Variants in OR6F1 observed in about 807,000 individuals in gnomAD.
The protein encoded by OR6F1 is olfactory receptor family 6 subfamily F member 1, also known as olfactory receptor 6F1.
For missense variants in OR6F1, 346 were observed against 376.0 expected (o/e 0.92, Z 0.66); for synonymous variants, 144 against 150.0 (o/e 0.96, Z 0.29).
chr1:247,715,053 C>T (rs1253041579), intron 1 of OR6F1, among the ~76,000 whole-genome samples: 2 of 152,182 alleles, frequency 1.3e-5, no homozygotes, highest in African/African-American at 4.8e-5. Context: ...ATCCTGTTAG[C>T]TTGCTTTTAT....
At chr1:247,714,486 A>G (rs937210809) in intron 1 of OR6F1, among the ~76,000 whole-genome samples, 1 of 152,196 alleles carries the variant, frequency 6.6e-6, no homozygotes, top group Non-Finnish European at 1.5e-5. Context: ...AAAATACTAT[A>G]TAAGACCAAG....
chr1:247,711,753 T>C lies in OR6F1; in HGVS notation c.*76A>G, dbSNP rs1660001832. ...GTGTACCAAGAAAGATTTGCCCTAT[T>C]CCTCCACATTCTTACTTGGAACCTC... On this transcript the variant is annotated 3_prime_UTR_variant, in exon 3 of 3. Coordinates refer to ENST00000641470, the MANE Select transcript of OR6F1 (RefSeq NM_001005286.2). 4.4e-6 allele frequency: 4 copies of C among 901,202 alleles called. No individual in the cohort carries two copies. The highest frequency in any genetic ancestry group is 1.6e-5 in the South Asian group (1 of 62,456). The allele number at this position is 901,202 out of a possible 1,614,324, so 55.8% of individuals were successfully genotyped here.
At position 247,711,817 on chromosome 1, in the gene OR6F1, G is replaced by T; in HGVS notation, c.*12C>A. On this transcript the variant is annotated 3_prime_UTR_variant, in exon 3 of 3. Coordinates refer to ENST00000641470, the MANE Select transcript of OR6F1 (RefSeq NM_001005286.2). ...AGACCATTTACAGGACATCTGTTGT[G>T]GTAGAGGAGATTTATTTTCCCTTCC... The T allele has an allele frequency of 1.3e-6, 2 of 1,561,982 alleles. No homozygotes were observed. Among genetic ancestry groups the T allele is most frequent in the Non-Finnish European group, 1.8e-6 (2 of 1,134,096 alleles).
At position 247,713,123 on chromosome 1, in the gene OR6F1, A is replaced by G. The variant is rs1660040409; in HGVS notation, c.-62-306T>C. 7.2e-5 allele frequency among the ~76,000 whole-genome samples: 11 copies of G among 152,310 alleles called. No homozygotes were observed. In the South Asian group the frequency reaches 2.3e-3, roughly 32 times the overall value. On this transcript the variant is annotated intron_variant, in intron 2 of 2. Transcript: ENST00000641470. Reference sequence around the variant, plus strand: ...CCACATTCCAGCTCAGTCCCAGATTACATCTAAACCCAGAAAGCGCTGACT... The same window carrying G: ...CCACATTCCAGCTCAGTCCCAGATTGCATCTAAACCCAGAAAGCGCTGACT...
chr1:247,713,765 G>A (rs1048763373), intron 2 of OR6F1, 126 bp downstream of exon 2: 15 of 394,768 alleles, frequency 3.8e-5, no homozygotes, highest in Admixed American at 2.7e-4. Flanking sequence ...TCCTACCCTC[G>A]CGTTCACCAA....
chr1:247,714,723 A>G (rs1236593026), intron 1 of OR6F1, among the ~76,000 whole-genome samples: 1 of 152,200 alleles, frequency 6.6e-6, no homozygotes. Flanking sequence ...ACAGAAAAAA[A>G]TGCCCTAGAT....
At chr1:247,716,169 T>A (rs1469586429) in intron 1 of OR6F1, among the ~76,000 whole-genome samples, 162 bp downstream of exon 1, 1 of 151,868 alleles carries the variant, frequency 6.6e-6, no homozygotes, top group Non-Finnish European at 1.5e-5. Context: ...AGGAGAATCA[T>A]CTGAACCCAG....
Position 247,711,693 on chromosome 1 carries a change from C to A in OR6F1, c.*136G>T. The A allele has an allele frequency of 1.6e-6, 1 of 622,600 alleles. No homozygotes were observed. Among genetic ancestry groups the A allele is most frequent in the Non-Finnish European group, 2.8e-6 (1 of 352,376 alleles). 38.6% of individuals were successfully genotyped at this position (622,600 alleles called of 1,614,324 possible). A position where few individuals can be genotyped will look rare whatever the true frequency, so the allele number is the denominator to read the frequency against. On this transcript the variant is annotated 3_prime_UTR_variant, in exon 3 of 3. Coordinates refer to ENST00000641470, the MANE Select transcript of OR6F1 (RefSeq NM_001005286.2). ...CATACATGATAATGTATAGAAAATA[C>A]AGTATTGCTTGTTTTGTTTGTTTGT... is the stretch of plus-strand genomic sequence containing the variant.
At chr1:247,716,212 C>T (rs1285700616) in intron 1 of OR6F1, 119 bp downstream of exon 1, 1 of 152,110 alleles carries the variant, frequency 6.6e-6, no homozygotes, top group Non-Finnish European at 1.5e-5. Context: ...AGGATCGCGC[C>T]ACTGCACTCC....
intron 2 of OR6F1, among the ~76,000 whole-genome samples, chr1:247,713,136 G>C (rs1188737636): frequency 6.6e-6 from 1 of 152,168 alleles, no homozygotes; most frequent in Non-Finnish European, 1.5e-5. Flanking sequence ...TCTAAACCCA[G>C]AAAGCGCTGA....
chr1:247,716,248 G>A (rs1475012736), intron 1 of OR6F1, 83 bp downstream of exon 1: 1 of 151,658 alleles, frequency 6.6e-6, no homozygotes, highest in Non-Finnish European at 1.5e-5. Flanking sequence ...GTGAGACCCT[G>A]TCTCAAAAAA....
In OR6F1 at chr1:247,712,364, T is replaced by A. The variant is rs1313981712; in HGVS notation, c.392A>T (p.His131Leu). ...DRCLAICYPL[H>L]YGAIMSSLLS... ...CAGGCTACTCATGATGGCTCCGTAG[T>A]GTAAAGGATAGCAGATGGCAAGACA... The change falls in exon 3 of 3, where the codon CAC (histidine) becomes CTC (leucine). Residue 131 changes from histidine to leucine, a missense_variant. By Grantham distance (99) the His-to-Leu change is moderately conservative. Transcript: ENST00000641470. 6.2e-7 allele frequency: 1 copy of A among 1,614,068 alleles called. No individual in the cohort carries two copies. Among genetic ancestry groups the A allele is most frequent in the Non-Finnish European group, 8.5e-7 (1 of 1,179,950 alleles).
rs1245724641 is a variant in OR6F1 at position 247,712,604 on chromosome 1, G to T, written c.152C>A (p.Thr51Asn). 6.2e-7 allele frequency: 1 copy of T among 1,613,980 alleles called. No individual in the cohort carries two copies. The highest frequency in any genetic ancestry group is 1.7e-5 in the Admixed American group (1 of 60,022). Residue 51 changes from threonine to asparagine, a missense_variant, in exon 3 of 3, where the codon ACC (threonine) becomes AAC (asparagine). Coordinates refer to ENST00000641470, the MANE Select transcript of OR6F1 (RefSeq NM_001005286.2). ...CATGGGGGTATGCAACTGATGGGAG[G>T]TGCTCACCAACATCAAGATAGCCAC... is the stretch of plus-strand genomic sequence containing the variant. ...GNVAILMLVS[T>N]SHQLHTPMYF...
At chr1:247,714,481 A>G (rs1443868159) in intron 1 of OR6F1, among the ~76,000 whole-genome samples, 2 of 152,196 alleles carry the variant, frequency 1.3e-5, no homozygotes, top group Non-Finnish European at 2.9e-5. Context: ...TTGTTAAAAT[A>G]CTATATAAGA....
chr1:247,716,335 T>G lies in OR6F1; in HGVS notation c.-131A>C, dbSNP rs181327106. On this transcript the variant is annotated 5_prime_UTR_variant, in exon 1 of 3. Transcript: ENST00000641470. The stretch of plus-strand genomic sequence containing the variant: ...ATAATCACCCTTTTCACTTACCCAG[T>G]TGAAATTCTTTCTGCCATAAACTCC... 42 of 152,342 alleles carry G rather than the reference T, an allele frequency of 2.8e-4. No homozygotes were observed. The highest frequency in any genetic ancestry group is 9.6e-4 in the African/African-American group (40 of 41,578). The allele number at this position is 152,342 out of a possible 1,614,324, so 9.4% of individuals were successfully genotyped here. A position where few individuals can be genotyped will look rare whatever the true frequency, so the allele number is the denominator to read the frequency against.
Position 247,712,186 on chromosome 1 carries a change from G to A in OR6F1, c.570C>T (p.Thr190=). The A allele has an allele frequency of 3.7e-6, 6 of 1,614,082 alleles. No homozygotes were observed. Among genetic ancestry groups the A allele is most frequent in the South Asian group, 1.1e-5 (1 of 91,076 alleles). ...DIAPWIALAC[T]NTQAVELVAF... ...CCACAAGCTCTACTGCCTGTGTGTT[G>A]GTGCAGGCCAGGGCAATCCAGGGTG... The change falls in exon 3 of 3, where the codon ACC becomes ACT. Residue 190 remains threonine (T), a synonymous_variant. Transcript: ENST00000641470.
intron 1 of OR6F1, among the ~76,000 whole-genome samples, chr1:247,715,378 A>T (rs1660087648): frequency 1.3e-5 from 2 of 152,250 alleles, no homozygotes; most frequent in African/African-American, 4.8e-5. Flanking sequence ...TATATTCAAA[A>T]TTCAAAAATC....
chr1:247,712,919 G>T, intron 2 of OR6F1, 102 bp from the exon 3 acceptor site: 1 of 540,934 alleles, frequency 1.8e-6, no homozygotes, highest in Non-Finnish European at 3.3e-6. Flanking sequence ...TCTGTGTTTG[G>T]AGGCATAGTT....
At position 247,712,562 on chromosome 1, in the gene OR6F1, T is replaced by C; in HGVS notation, c.194A>G (p.Asn65Ser). 1.2e-6 allele frequency: 2 copies of C among 1,613,982 alleles called. No individual in the cohort carries two copies. Among genetic ancestry groups the C allele is most frequent in the East Asian group, 2.2e-5 (1 of 44,880 alleles). Reference protein sequence around the residue: ...LHTPMYFFLSNLSFLEIWYTT... With the variant: ...LHTPMYFFLSSLSFLEIWYTT... ...ATACCAAATCTCCAGGAAGGAGAGG[T>C]TGCTCAGAAAGAAGTACATGGGGGT... The change falls in exon 3 of 3, where the codon AAC becomes AGC. Residue 65 changes from asparagine to serine, a missense_variant. Asn to Ser is a conservative substitution (Grantham distance 46). Transcript: ENST00000641470.
Sources: gnomAD v4.1 joint callset for allele counts (sites outside exome capture counted in the v4.1 genomes callset) on GRCh38, gnomAD v4.1.1 for gene constraint, MANE v1.5 for transcripts, NCBI Gene and HGNC (gene_info 2026-07-23, HGNC 2026-07-21) for gene names.